KSR1: variants seen among roughly 807,000 people sequenced by gnomAD.
KSR1 encodes kinase suppressor of ras 1.
A neutral mutation model predicts 92.9 loss-of-function variants in KSR1; 35 were observed. The ratio of observed to expected loss-of-function variants is 0.38; its 90% CI spans 0.29 to 0.50. The LOEUF (loss-of-function observed/expected upper bound fraction) is 0.50. KSR1 is among the 20% of genes least tolerant of loss of function. The pLI is 0.94. For missense variants in KSR1, 972 were observed against 1,158.5 expected, an observed-to-expected ratio of 0.84 and a Z score of 2.34; for synonymous variants, 467 against 472.6, an observed-to-expected ratio of 0.99 and a Z score of 0.15.
At chr17:27,533,325 CCT>C (rs1484627061) in intron 1 of KSR1, among the ~76,000 whole-genome samples, 1 of 151,704 alleles carries the variant, frequency 6.6e-6, no homozygotes, top group Non-Finnish European at 1.5e-5. Flanking sequence ...CCCAGGAACC[CCT>C]GAGGATACCA....
intron 1 of KSR1, among the ~76,000 whole-genome samples, chr17:27,520,287 G>A (rs570142473): frequency 7.2e-5 from 11 of 152,162 alleles, no homozygotes; most frequent in African/African-American, 2.2e-4. Context: ...AAAGGGCACC[G>A]AAGGGATTTA....
chr17:27,622,316 C>T (rs1033519881), intron 20 of KSR1: 11 of 241,732 alleles, frequency 4.6e-5, no homozygotes, highest in Admixed American at 4.5e-4. Context: ...TGCCTTCCAC[C>T]CTCCTGAGCA....
intron 1 of KSR1, among the ~76,000 whole-genome samples, chr17:27,477,094 A>G (rs1267039102): frequency 2.0e-5 from 3 of 152,182 alleles, no homozygotes; most frequent in East Asian, 1.9e-4. Context: ...TTGCCATGGT[A>G]TATGTAAAGT....
chr17:27,599,107 C>T (rs967161801), intron 10 of KSR1, among the ~76,000 whole-genome samples: 2 of 152,232 alleles, frequency 1.3e-5, no homozygotes, highest in African/African-American at 4.8e-5. Context: ...GTCCTCCACA[C>T]GCCTCGGCTG....
chr17:27,494,244 C>T (rs752834697), intron 1 of KSR1, among the ~76,000 whole-genome samples: 18 of 151,902 alleles, frequency 1.2e-4, no homozygotes, highest in Middle Eastern at 3.4e-3. Context: ...GGAGAAATGC[C>T]GTGTGGTTGC....
At chr17:27,571,569 C>CT (rs1467619887) in intron 2 of KSR1, among the ~76,000 whole-genome samples, 1 of 152,234 alleles carries the variant, frequency 6.6e-6, no homozygotes, top group African/African-American at 2.4e-5. Context: ...TTTGGCCTCT[C>CT]TGGTCTGACC....
At chr17:27,620,498 TGCATGAATGAATGTGA>T (rs2074194085) in intron 19 of KSR1, among the ~76,000 whole-genome samples, 2 of 152,200 alleles carry the variant, frequency 1.3e-5, no homozygotes, top group African/African-American at 2.4e-5. Flanking sequence ...ATATTTAATG[TGCATGAATGAATGTGA>T]GCAAAGGGTG....
At chr17:27,589,312 C>T (rs2073085135) in intron 6 of KSR1, among the ~76,000 whole-genome samples, 1 of 152,196 alleles carries the variant, frequency 6.6e-6, no homozygotes, top group African/African-American at 2.4e-5. Context: ...TGTTTGCCCC[C>T]AGAGTCTGTT....
chr17:27,479,089 C>A (rs114361794), intron 1 of KSR1, among the ~76,000 whole-genome samples: 2,096 of 149,676 alleles, frequency 0.014, 25 homozygotes, highest in African/African-American at 0.049. Context: ...CCTCCATGCT[C>A]TTCCCTCCAT....
At chr17:27,479,748 A>G (rs1465827671) in intron 1 of KSR1, among the ~76,000 whole-genome samples, 1 of 152,164 alleles carries the variant, frequency 6.6e-6, no homozygotes, top group Non-Finnish European at 1.5e-5. Context: ...AGCCTCAAGC[A>G]CGGGAGAGAA....
intron 17 of KSR1, 130 bp from the exon 18 acceptor site, chr17:27,611,364 C>T: frequency 4.1e-6 from 5 of 1,232,408 alleles, no homozygotes; most frequent in Non-Finnish European, 5.6e-6. Flanking sequence ...GTAGCATCCC[C>T]TGAAGCCAAG....
chr17:27,560,427 G>T (rs987359869), intron 2 of KSR1: 1 of 519,098 alleles, frequency 1.9e-6, no homozygotes, highest in Non-Finnish European at 3.8e-6. Context: ...ACTGCTGGTG[G>T]TTCCTGAACT....
intron 2 of KSR1, among the ~76,000 whole-genome samples, chr17:27,573,194 A>G (rs1234513984): frequency 6.6e-6 from 1 of 152,258 alleles, no homozygotes; most frequent in Non-Finnish European, 1.5e-5. Flanking sequence ...TTGTTTGCAC[A>G]GATTTGAATT....
chr17:27,541,832 T>A (rs1156453310), intron 1 of KSR1, among the ~76,000 whole-genome samples: 2 of 152,204 alleles, frequency 1.3e-5, no homozygotes, highest in Non-Finnish European at 2.9e-5. Flanking sequence ...GATTTGTGAG[T>A]GACGGCAAAG....
intron 1 of KSR1, among the ~76,000 whole-genome samples, chr17:27,544,015 A>G (rs1364073306): frequency 2.0e-5 from 3 of 152,336 alleles, no homozygotes; most frequent in Middle Eastern, 6.8e-3. Context: ...TTCGCCTGAG[A>G]AGAACACCAC....
chr17:27,601,634 C>A (rs1366946742), intron 11 of KSR1, among the ~76,000 whole-genome samples: 1 of 152,228 alleles, frequency 6.6e-6, no homozygotes, highest in African/African-American at 2.4e-5. Context: ...TCCATCCCAT[C>A]CAGCCTCTTG....
At chr17:27,548,817 G>A (rs1295663421) in intron 1 of KSR1, among the ~76,000 whole-genome samples, 1 of 144,972 alleles carries the variant, frequency 6.9e-6, no homozygotes. Flanking sequence ...CAGCCTTGGT[G>A]ACCATCTCAA....
Position 27,459,513 on chromosome 17 carries a change from T to C in KSR1, c.231+2639T>C, listed in dbSNP as rs1410864674. On this transcript the variant is annotated intron_variant, in intron 1 of 20. Coordinates refer to ENST00000644974, the MANE Select transcript of KSR1 (RefSeq NM_001394583.1). The surrounding 1 kb of genome is among the most constrained non-coding windows in gnomAD (Gnocchi z 4.6). ...GACCGTCCACCGCCAGCAGCATGTG[T>C]TGGGGCCAGGCAGGCAAGTGGCAGT... Among the ~76,000 whole-genome samples, 1 of 152,240 alleles carries C rather than the reference T, an allele frequency of 6.6e-6. No individual in the cohort carries two copies. Among genetic ancestry groups the C allele is most frequent in the Non-Finnish European group, 1.5e-5 (1 of 68,040 alleles).
chr17:27,489,701 C>A lies in KSR1; in HGVS notation c.231+32827C>A, dbSNP rs540999212. Among the ~76,000 whole-genome samples the A allele has an allele frequency of 2.6e-5, 4 of 152,276 alleles. No individual in the cohort carries two copies. In the South Asian group the frequency reaches 8.3e-4, roughly 32 times the overall value. On this transcript the variant is annotated intron_variant, in intron 1 of 20. Transcript: ENST00000644974. ...CCTAGCCTGCTTTTGCTTCTTCTCTCCCCTGTGGGGCTGCTCTTCTTGGTA... is the reference window on the plus strand; with the variant it reads ...CCTAGCCTGCTTTTGCTTCTTCTCTACCCTGTGGGGCTGCTCTTCTTGGTA...
Sources: allele counts gnomAD v4.1 joint callset (sites outside exome capture counted in the v4.1 genomes callset), GRCh38; gene constraint gnomAD v4.1.1; non-coding constraint Gnocchi (gnomAD v3.1); transcripts MANE v1.5; gene names NCBI Gene and HGNC (gene_info 2026-07-23, HGNC 2026-07-21).